SEC31A: variants seen among roughly 807,000 people sequenced by gnomAD.
SEC31A encodes the protein SEC31 homolog A, COPII component.
In SEC31A, 70 loss-of-function variants were observed where a neutral mutation model predicts 151.0. That is an observed-to-expected ratio of 0.46 (90% CI 0.38 to 0.57). The LOEUF is 0.57. Ranked by LOEUF, SEC31A falls within the 20% of genes least tolerant of loss-of-function variation. The pLI, the probability that SEC31A is intolerant of heterozygous loss-of-function variation, is 0.00. For synonymous variants in SEC31A, 475 were observed against 505.9 expected (o/e 0.94, Z 0.82); for missense variants, 1,330 against 1,471.2 (o/e 0.90, Z 1.57).
intron 22 of SEC31A, among the ~76,000 whole-genome samples, chr4:82,835,101 C>T (rs1392032729): frequency 6.6e-6 from 1 of 152,166 alleles, no homozygotes; most frequent in African/African-American, 2.4e-5. Flanking sequence ...CCCACTTTGA[C>T]CTCCCAAAGT....
upstream of SEC31A, chr4:82,894,206 G>A (rs567187325): frequency 6.6e-6 from 1 of 152,368 alleles, no homozygotes; most frequent in African/African-American, 2.4e-5. Flanking sequence ...AAAAGCTGTT[G>A]CCATGACCTT....
chr4:82,887,841 G>A (rs1034068243), intron 1 of SEC31A, among the ~76,000 whole-genome samples: 1 of 147,674 alleles, frequency 6.8e-6, no homozygotes, highest in Non-Finnish European at 1.5e-5. Context: ...GGCGGATCAC[G>A]AGGTCAGGAG....
At chr4:82,848,537 T>C (rs62313470) in intron 20 of SEC31A, among the ~76,000 whole-genome samples, 7,624 of 152,254 alleles carry the variant, frequency 0.05, 275 homozygotes, top group Non-Finnish European at 0.079. Flanking sequence ...TAAGTGAACT[T>C]TGAGTGACAG....
chr4:82,873,567 G>C (rs1429963683), intron 6 of SEC31A, among the ~76,000 whole-genome samples: 1 of 152,054 alleles, frequency 6.6e-6, no homozygotes, highest in Non-Finnish European at 1.5e-5. Context: ...AATGCTTCTG[G>C]TATGGTTTAT....
chr4:82,829,250 G>A (rs1725353805), intron 22 of SEC31A, 192 bp from the exon 23 acceptor site: 2 of 508,330 alleles, frequency 3.9e-6, no homozygotes, highest in East Asian at 5.8e-5. Context: ...TAGGAACAAG[G>A]TCTTCACTTG....
intron 25 of SEC31A, among the ~76,000 whole-genome samples, chr4:82,823,040 G>A (rs1225982306): frequency 6.6e-5 from 10 of 152,150 alleles, no homozygotes; most frequent in Non-Finnish European, 1.5e-5. Context: ...AAGGGGGCAA[G>A]GGCAGCCGGA....
intron 3 of SEC31A, among the ~76,000 whole-genome samples, chr4:82,896,667 A>G (rs1230595832): frequency 6.6e-6 from 1 of 152,170 alleles, no homozygotes; most frequent in Non-Finnish European, 1.5e-5. Context: ...AGCTAATTGG[A>G]ACTAGAGTAT....
At chr4:82,884,664 TCA>T in intron 1 of SEC31A, among the ~76,000 whole-genome samples, 1 of 152,388 alleles carries the variant, frequency 6.6e-6, no homozygotes, top group Middle Eastern at 3.4e-3. Flanking sequence ...CATTATAGTA[TCA>T]CACAGAGTAG....
intron 22 of SEC31A, among the ~76,000 whole-genome samples, chr4:82,830,559 G>A (rs1489002250): frequency 1.3e-5 from 2 of 152,238 alleles, no homozygotes; most frequent in East Asian, 3.8e-4. Context: ...ACAGTCAAGA[G>A]TTAACCACAA....
chr4:82,828,943 G>T, intron 23 of SEC31A, 57 bp downstream of exon 23: 2 of 1,338,788 alleles, frequency 1.5e-6, no homozygotes, highest in South Asian at 1.2e-5. Flanking sequence ...TGTTCCAAGT[G>T]GCTACGTGGT....
At chr4:82,825,411 G>A (rs116462247) in intron 24 of SEC31A, among the ~76,000 whole-genome samples, 5 of 152,306 alleles carry the variant, frequency 3.3e-5, no homozygotes, top group African/African-American at 9.6e-5. Context: ...ACGTTAACAC[G>A]TAGTGGAAAC....
At chr4:82,841,439 A>T (rs113208239) in intron 22 of SEC31A, among the ~76,000 whole-genome samples, 2,406 of 23,072 alleles carry the variant, frequency 0.1, 57 homozygotes, top group Non-Finnish European at 0.28. Flanking sequence ...GAAAAAAAAA[A>T]TTTTATATAT....
rs938639052 is a variant in SEC31A, at chr4:82,818,954, T to C, written c.*120A>G. 4 of 694,462 alleles carry C rather than the reference T, an allele frequency of 5.8e-6. No individual in the cohort carries two copies. Among genetic ancestry groups the C allele is most frequent in the Non-Finnish European group, 9.1e-6 (4 of 437,390 alleles). 43.0% of individuals were successfully genotyped at this position (694,462 alleles called of 1,614,324 possible). A position where few individuals can be genotyped will look rare whatever the true frequency, so the allele number is the denominator to read the frequency against. ...AGTATATCAGCAGAAATAGTGTAAA[T>C]GCTCTTGACTGGTTGCTATGCAAAC... is the stretch of plus-strand genomic sequence containing the variant. On this transcript the variant is annotated 3_prime_UTR_variant, in exon 27 of 27. Coordinates refer to ENST00000395310, the MANE Select transcript of SEC31A (RefSeq NM_001077207.4).
In SEC31A at chr4:82,819,008, T is replaced by C. The variant is rs1578082448; in HGVS notation, c.*66A>G. On this transcript the variant is annotated 3_prime_UTR_variant, in exon 27 of 27. Coordinates refer to ENST00000395310, the MANE Select transcript of SEC31A (RefSeq NM_001077207.4). ...CTAATGAGGACTAGTCCATGTCTTA[T>C]AATTTTTTTTTTTAACATGTTTCTT... The C allele has an allele frequency of 1.0e-5, 14 of 1,386,426 alleles. No homozygotes were observed. The East Asian group carries it at 1.6e-4, about 16-fold the overall frequency. 85.9% of individuals were successfully genotyped at this position (1,386,426 alleles called of 1,614,324 possible). A position where few individuals can be genotyped will look rare whatever the true frequency, so the allele number is the denominator to read the frequency against.
chr4:82,831,209 A>C (rs1725866063), intron 22 of SEC31A: 1 of 156,208 alleles, frequency 6.4e-6, no homozygotes, highest in Admixed American at 6.3e-5. Context: ...ATTAACTCTT[A>C]AACATCACTT....
Position 82,871,066 on chromosome 4 carries a change from T to G in SEC31A, c.783-642A>C, listed in dbSNP as rs1736542631. Among the ~76,000 whole-genome samples, 2 of 152,072 alleles carry G rather than the reference T, an allele frequency of 1.3e-5. 1 individual carries two copies. The highest frequency in any genetic ancestry group is 4.1e-4 in the South Asian group (2 of 4,820). On this transcript the variant is annotated intron_variant, in intron 7 of 26. Transcript: ENST00000395310. ...AGTTATGGTGGCGTGTGCCTGTAGT[T>G]CCAGGCATACTCATGAAGCTGAGGC...
At chr4:82,870,719 G>T (rs187546263) in intron 7 of SEC31A, among the ~76,000 whole-genome samples, 6 of 151,540 alleles carry the variant, frequency 4.0e-5, no homozygotes, top group Admixed American at 3.3e-4. Context: ...AATAAAAAAA[G>T]AAAAACAAAA....
At position 82,821,025 on chromosome 4, in the gene SEC31A, TC is replaced by T; in HGVS notation, c.3483+11del. On this transcript the variant is annotated intron_variant, in intron 26 of 26. Coordinates refer to ENST00000395310, the MANE Select transcript of SEC31A (RefSeq NM_001077207.4). ...AAATGATTATCATAAATCCTTTTCC[TC>T]CAAAACTTACTGTCTGTTCCCTAAG... The T allele has an allele frequency of 6.2e-7, 1 of 1,604,512 alleles. No homozygotes were observed. Among genetic ancestry groups the T allele is most frequent in the Non-Finnish European group, 8.5e-7 (1 of 1,171,792 alleles).
chr4:82,865,583 T>TATATATAC (rs1560638362), intron 10 of SEC31A, among the ~76,000 whole-genome samples: 32 of 99,716 alleles, frequency 3.2e-4, no homozygotes, highest in Non-Finnish European at 4.8e-4. Flanking sequence ...TATATATATA[T>TATATATAC]ACAATGCAAT....
Sources: gnomAD v4.1 joint callset for allele counts (sites outside exome capture counted in the v4.1 genomes callset) on GRCh38, gnomAD v4.1.1 for gene constraint, MANE v1.5 for transcripts, NCBI Gene and HGNC (gene_info 2026-07-23, HGNC 2026-07-21) for gene names.